The following SMG6 variants were observed in gnomAD, a reference collection of about 807,000 sequenced individuals.
SMG6 encodes SMG6 nonsense mediated mRNA decay factor, also known as telomerase-binding protein EST1A.
In SMG6, 66 loss-of-function variants were observed where a neutral mutation model predicts 142.2. The observed-to-expected ratio is 0.46, with a 90% CI of 0.38 to 0.57. The LOEUF (loss-of-function observed/expected upper bound fraction) is 0.57, where lower values mean the gene tolerates loss of function less well. Ranked by LOEUF, SMG6 falls within the 20% of genes least tolerant of loss-of-function variation. The pLI is 0.00. For missense variants in SMG6, 1,793 were observed against 1,832.0 expected (o/e 0.98, Z 0.39); for synonymous variants, 779 against 702.4 (o/e 1.11, Z -1.72).
chr17:2,249,084 G>T (rs966231651), intron 8 of SMG6, among the ~76,000 whole-genome samples: 1 of 151,152 alleles, frequency 6.6e-6, no homozygotes, highest in South Asian at 2.1e-4. Flanking sequence ...CAGTAGAGAT[G>T]GGGTTTCACC....
chr17:2,129,031 G>T (rs1400054999), intron 13 of SMG6, among the ~76,000 whole-genome samples: 1 of 152,190 alleles, frequency 6.6e-6, no homozygotes, highest in African/African-American at 2.4e-5. Context: ...ATTTTAGGAA[G>T]AAAATGATAG....
At chr17:2,065,331 G>C in intron 17 of SMG6, 137 bp downstream of exon 17, 1 of 973,510 alleles carries the variant, frequency 1.0e-6, no homozygotes, top group Non-Finnish European at 1.6e-6. Flanking sequence ...TAGGGGAGAA[G>C]GAACTCCCCC....
intron 13 of SMG6, among the ~76,000 whole-genome samples, chr17:2,171,638 T>C (rs2071505964): frequency 6.6e-6 from 1 of 151,956 alleles, no homozygotes; most frequent in South Asian, 2.1e-4. Flanking sequence ...CTTCTCAAAG[T>C]GCTGGGATTA....
intron 9 of SMG6, chr17:2,236,931 A>C: frequency 1.3e-6 from 1 of 794,720 alleles, no homozygotes; most frequent in Non-Finnish European, 1.6e-6. Flanking sequence ...CACCCCTGGC[A>C]ATAACTGTGT....
chr17:2,229,770 C>G (rs868514962), intron 10 of SMG6, among the ~76,000 whole-genome samples: 17 of 152,302 alleles, frequency 1.1e-4, no homozygotes, highest in Middle Eastern at 6.8e-3. Flanking sequence ...CCCTCACCAG[C>G]CCCCTAGAAC....
chr17:2,127,765 C>T (rs982673838), intron 13 of SMG6: 4 of 555,706 alleles, frequency 7.2e-6, no homozygotes, highest in East Asian at 4.8e-5. Context: ...TATTTTCTCA[C>T]GTTCTGCTCT....
At chr17:2,124,683 G>A (rs2069814448) in intron 13 of SMG6, among the ~76,000 whole-genome samples, 1 of 152,154 alleles carries the variant, frequency 6.6e-6, no homozygotes, top group South Asian at 2.1e-4. Flanking sequence ...AGAGAAGCTG[G>A]GGAAGGGGCA....
At chr17:2,243,959 G>A (rs750633682) in intron 9 of SMG6, among the ~76,000 whole-genome samples, 9 of 152,204 alleles carry the variant, frequency 5.9e-5, no homozygotes, top group African/African-American at 1.4e-4. Context: ...CTGCTCTGGC[G>A]TGTAGGCATT....
At chr17:2,140,686 A>AAG (rs2070450548) in intron 13 of SMG6, among the ~76,000 whole-genome samples, 1 of 151,922 alleles carries the variant, frequency 6.6e-6, no homozygotes, top group African/African-American at 2.4e-5. Flanking sequence ...AAAAAAAAAA[A>AAG]AATTCTTCAT....
At chr17:2,205,376 C>T (rs868131050) in intron 10 of SMG6, among the ~76,000 whole-genome samples, 8 of 152,286 alleles carry the variant, frequency 5.3e-5, no homozygotes, top group African/African-American at 9.6e-5. Flanking sequence ...TGAGCCACCA[C>T]GCCTGGCCTG....
chr17:2,276,080 C>G (rs181000957), intron 8 of SMG6, among the ~76,000 whole-genome samples: 119 of 152,304 alleles, frequency 7.8e-4, no homozygotes, highest in African/African-American at 2.9e-3. Context: ...GTCAAAGGAA[C>G]AATTCCAATT....
rs1418563687 is a variant in SMG6 at position 2,287,166 on chromosome 17, G to A, written c.2338-3431C>T. Among the ~76,000 whole-genome samples, 6 of 152,166 alleles carry A rather than the reference G, an allele frequency of 3.9e-5. No homozygotes were observed. The East Asian group carries it at 5.8e-4, about 15-fold the overall frequency. On this transcript the variant is annotated intron_variant, in intron 6 of 18. Transcript: ENST00000263073. ...AATCTCTTGACCTCGTGATCCGCCC[G>A]CCTCGGCCTCCCAAAGTGCTGGGAT... is the stretch of plus-strand genomic sequence containing the variant.
chr17:2,192,256 G>T (rs1428888957), intron 10 of SMG6, among the ~76,000 whole-genome samples: 3 of 152,268 alleles, frequency 2.0e-5, no homozygotes, highest in Non-Finnish European at 4.4e-5. Context: ...GTTGCCATCA[G>T]GGAGAGATTT....
At chr17:2,129,833 CAA>C (rs2070048514) in intron 13 of SMG6, among the ~76,000 whole-genome samples, 1 of 127,688 alleles carries the variant, frequency 7.8e-6, no homozygotes, top group South Asian at 2.5e-4. Flanking sequence ...AAATCCATGA[CAA>C]ATAGATTTAA....
intron 4 of SMG6, among the ~76,000 whole-genome samples, chr17:2,296,786 A>G (rs2151407107): frequency 6.6e-6 from 1 of 152,248 alleles, no homozygotes; most frequent in Middle Eastern, 3.4e-3. Flanking sequence ...CGAAGGTCAG[A>G]AGTTCGAGAC....
At chr17:2,298,756 T>C in intron 2 of SMG6, 150 bp downstream of exon 2, 1 of 707,914 alleles carries the variant, frequency 1.4e-6, no homozygotes. Context: ...AAAACTTCTG[T>C]TCTGTTTCCA....
Position 2,068,890 on chromosome 17 carries a change from G to C in SMG6, c.3723C>G (p.Leu1241=), listed in dbSNP as rs1269073366. ...GTACGAGGAACAAAGGTCTGATTTCGAGCTCCATCTGCCTCATCTGACTGT... is the reference window on the plus strand; with the variant it reads ...GTACGAGGAACAAAGGTCTGATTTCCAGCTCCATCTGCCTCATCTGACTGT... ...EDHSQMRQME[L]EIRPLFLVPD... Residue 1241 remains leucine, a synonymous_variant, in exon 16 of 19, where the codon CTC becomes CTG. Transcript: ENST00000263073. The surrounding 1 kb of genome is among the most constrained non-coding windows in gnomAD (Gnocchi z 6.7). The C allele has an allele frequency of 1.2e-6, 2 of 1,614,072 alleles. No homozygotes were observed. The highest frequency in any genetic ancestry group is 1.1e-5 in the South Asian group (1 of 91,090).
At chr17:2,069,713 C>A (rs534290054) in intron 15 of SMG6, among the ~76,000 whole-genome samples, 1 of 152,218 alleles carries the variant, frequency 6.6e-6, no homozygotes, top group Non-Finnish European at 1.5e-5. Flanking sequence ...AGCCGAAGTC[C>A]GTGCAATGTG....
chr17:2,141,847 A>G (rs910524633), intron 13 of SMG6, among the ~76,000 whole-genome samples: 1 of 152,184 alleles, frequency 6.6e-6, no homozygotes, highest in Non-Finnish European at 1.5e-5. Context: ...TTTTCATTAG[A>G]TAAGAGACTG....
Sources: gnomAD v4.1 joint callset for allele counts (sites outside exome capture counted in the v4.1 genomes callset) on GRCh38, gnomAD v4.1.1 for gene constraint, Gnocchi (gnomAD v3.1) non-coding constraint, MANE v1.5 for transcripts, NCBI Gene and HGNC (gene_info 2026-07-23, HGNC 2026-07-21) for gene names.